Variants in TRA2B observed in about 807,000 individuals in gnomAD.
TRA2B encodes transformer 2 beta homolog.
TRA2B carries 14 observed loss-of-function variants against 41.7 expected under a neutral mutation model. That is an observed-to-expected ratio of 0.34 (90% CI 0.22 to 0.53). The LOEUF is 0.53. Among genes scored for constraint, TRA2B ranks in the 20% least tolerant of loss-of-function variants. TRA2B has a pLI of 0.95. For missense variants in TRA2B, 167 were observed against 396.8 expected (o/e 0.42, Z 4.92); for synonymous variants, 130 against 128.8 (o/e 1.01, Z -0.06).
At chr3:185,936,267 A>G in intron 1 of TRA2B, 4 of 985,446 alleles carry the variant, frequency 4.1e-6, no homozygotes, top group Non-Finnish European at 4.8e-6. Flanking sequence ...TGACTGTTAT[A>G]ACAGATTCAA....
In TRA2B at chr3:185,923,736, CT is replaced by C. The variant is rs1337640256; in HGVS notation, c.522+59del. On this transcript the variant is annotated intron_variant, in intron 4 of 8. Transcript: ENST00000453386. ...TTGTCCTTATCCTAGCAATTGGTCA[CT>C]GATAACTTGGCGTTAACAATAGAAC... 1.6e-5 allele frequency: 24 copies of C among 1,476,588 alleles called. 1 individual carries two copies. Among genetic ancestry groups the C allele is most frequent in the Non-Finnish European group, 1.9e-5 (21 of 1,100,920 alleles). 91.5% of individuals were successfully genotyped at this position (1,476,588 alleles called of 1,614,324 possible).
rs772290932 is a variant in TRA2B, at chr3:185,937,981, C to G, written c.-121G>C. 2 of 1,160,162 alleles carry G rather than the reference C, an allele frequency of 1.7e-6. No homozygotes were observed. The highest frequency in any genetic ancestry group is 1.5e-5 in the African/African-American group (1 of 65,700). The allele number at this position is 1,160,162 out of a possible 1,614,324, so 71.9% of individuals were successfully genotyped here. ...GCGCCGGTCGCCCAGCCGCTCAGAG[C>G]CGAAATGCTCCGCACCGCCTCCGCA... On this transcript the variant is annotated 5_prime_UTR_variant, in exon 1 of 9. Transcript: ENST00000453386.
chr3:185,926,686 A>C lies in TRA2B; in HGVS notation c.85T>G (p.Ser29Ala). The stretch of plus-strand genomic sequence containing the variant: ...GACCTTGCAGGGGTATGCCTTGCAG[A>C]TTTCCCCGATCCGTGAGCACTTCCA... ...RSGSAHGSGK[S>A]ARHTPARSRS... Residue 29 changes from serine to alanine, a missense_variant, in exon 2 of 9, where the codon TCT becomes GCT. This residue lies in a region of TRA2B where 94 missense variants were observed against 133.4 expected (regional missense o/e 0.70). Transcript: ENST00000453386. 1 of 1,614,112 alleles carries C rather than the reference A, an allele frequency of 6.2e-7. No individual in the cohort carries two copies. Among genetic ancestry groups the C allele is most frequent in the Non-Finnish European group, 8.5e-7 (1 of 1,180,014 alleles).
chr3:185,927,908 G>A (rs1022325835), intron 1 of TRA2B: 6 of 152,222 alleles, frequency 3.9e-5, no homozygotes, highest in African/African-American at 1.4e-4. Context: ...ATCAAACTTA[G>A]ACAAAGTAAA....
At chr3:185,937,734 G>T (rs1319293753) in intron 1 of TRA2B, 91 bp downstream of exon 1, 5 of 1,565,536 alleles carry the variant, frequency 3.2e-6, no homozygotes, top group South Asian at 2.2e-5. Context: ...AGCCTAAAAC[G>T]CCCCTGCCTC....
chr3:185,917,708 T>TC lies in TRA2B; in HGVS notation c.*6dup. On this transcript the variant is annotated 3_prime_UTR_variant, in exon 9 of 9. Coordinates refer to ENST00000453386, the MANE Select transcript of TRA2B (RefSeq NM_004593.3). ...CTCTAGGGCAGGTTTCAGAAAGTCT[T>TC]CATGCTTTAATAGCGACCTGGGAAG... The TC allele has an allele frequency of 6.2e-7, 1 of 1,613,394 alleles. No individual in the cohort carries two copies. Among genetic ancestry groups the TC allele is most frequent in the Non-Finnish European group, 8.5e-7 (1 of 1,179,578 alleles).
Position 185,935,068 on chromosome 3 carries a change from G to A in TRA2B, c.36+2757C>T, listed in dbSNP as rs1316948083. 7.1e-6 allele frequency: 7 copies of A among 985,210 alleles called. No individual in the cohort carries two copies. The Admixed American group carries it at 3.1e-4, about 43-fold the overall frequency. 61.0% of individuals were successfully genotyped at this position (985,210 alleles called of 1,614,324 possible). A position where few individuals can be genotyped will look rare whatever the true frequency, so the allele number is the denominator to read the frequency against. On this transcript the variant is annotated intron_variant, in intron 1 of 8. Transcript: ENST00000453386. ...CATACAAATCTCACACAACCTATAC[G>A]CTGTGACCATTATTGGGCTCTAAAG...
intron 1 of TRA2B, among the ~76,000 whole-genome samples, chr3:185,933,173 A>G (rs1744214154): frequency 6.6e-6 from 1 of 152,198 alleles, no homozygotes; most frequent in African/African-American, 2.4e-5. Flanking sequence ...TTCGATACAG[A>G]CAGGGCACTT....
intron 3 of TRA2B, 173 bp downstream of exon 3, chr3:185,925,291 G>GCAGACCCCGTCATGGAAGATTAA: frequency 1.5e-6 from 1 of 676,112 alleles, no homozygotes. Flanking sequence ...CAGCCCAAAT[G>GCAGACCCCGTCATGGAAGATTAA]CAGACCCCGT....
At chr3:185,929,085 C>A (rs1481963983) in intron 1 of TRA2B, 1 of 152,090 alleles carries the variant, frequency 6.6e-6, no homozygotes, top group Non-Finnish European at 1.5e-5. Flanking sequence ...ATTTCTTGGG[C>A]CAGGAATAAG....
chr3:185,924,835 A>G (rs994329572), intron 3 of TRA2B: 3 of 152,338 alleles, frequency 2.0e-5, no homozygotes, highest in Admixed American at 6.5e-5. Context: ...AAGAGGAAAG[A>G]ATAAAGAGTG....
In TRA2B at chr3:185,917,521, G is replaced by A; in HGVS notation, c.*194C>T. ...ATACTTTTCTGAAAACACTTAACTT[G>A]GAACAAAGCACCAAACTACACAAAT... is the stretch of plus-strand genomic sequence containing the variant. On this transcript the variant is annotated 3_prime_UTR_variant, in exon 9 of 9. Coordinates refer to ENST00000453386, the MANE Select transcript of TRA2B (RefSeq NM_004593.3). 1 of 528,820 alleles carries A rather than the reference G, an allele frequency of 1.9e-6. No homozygotes were observed. The highest frequency in any genetic ancestry group is 2.0e-5 in the African/African-American group (1 of 50,534). The allele number at this position is 528,820 out of a possible 1,614,324, so 32.8% of individuals were successfully genotyped here. A position where few individuals can be genotyped will look rare whatever the true frequency, so the allele number is the denominator to read the frequency against.
chr3:185,925,674 CTTCT>C (rs769233736), intron 2 of TRA2B, 48 bp from the exon 3 acceptor site: 65 of 1,559,164 alleles, frequency 4.2e-5, no homozygotes, highest in African/African-American at 8.2e-5. Flanking sequence ...CAAATATTGT[CTTCT>C]TTATTACTCT....
At chr3:185,931,444 A>C (rs1744152791) in intron 1 of TRA2B, 1 of 607,984 alleles carries the variant, frequency 1.6e-6, no homozygotes, top group Middle Eastern at 7.7e-4. Flanking sequence ...AGCAGTTAAA[A>C]TCAGAATTAC....
chr3:185,931,927 A>C (rs1466543361), intron 1 of TRA2B: 3 of 941,328 alleles, frequency 3.2e-6, no homozygotes, highest in Non-Finnish European at 4.2e-6. Context: ...CTGAAACTAG[A>C]AAAAAAAAAT....
At chr3:185,923,370 T>G (rs187595978) in intron 4 of TRA2B, 4 of 153,280 alleles carry the variant, frequency 2.6e-5, no homozygotes, top group African/African-American at 9.6e-5. Flanking sequence ...ATTTCTTAAA[T>G]GGGGTCTAGC....
intron 4 of TRA2B, chr3:185,923,580 A>G (rs1690014838): frequency 2.5e-6 from 1 of 402,286 alleles, no homozygotes; most frequent in Non-Finnish European, 4.4e-6. Context: ...AGTTGACCCC[A>G]ATAGGTGGCA....
intron 1 of TRA2B, among the ~76,000 whole-genome samples, chr3:185,930,930 T>C (rs560237707): frequency 1.3e-5 from 2 of 152,318 alleles, no homozygotes; most frequent in Non-Finnish European, 2.9e-5. Context: ...ATTTTATCAG[T>C]AATCCTAGTC....
At position 185,937,965 on chromosome 3, in the gene TRA2B, G is replaced by T. The variant is rs1220698622; in HGVS notation, c.-105C>A. 2.8e-6 allele frequency: 4 copies of T among 1,423,024 alleles called. No homozygotes were observed. The highest frequency in any genetic ancestry group is 2.9e-6 in the Non-Finnish European group (3 of 1,030,218). 88.1% of individuals were successfully genotyped at this position (1,423,024 alleles called of 1,614,324 possible). ...CGCAGCCCCGCACGACGCGCCGGTC[G>T]CCCAGCCGCTCAGAGCCGAAATGCT... is the stretch of plus-strand genomic sequence containing the variant. On this transcript the variant is annotated 5_prime_UTR_variant, in exon 1 of 9. Transcript: ENST00000453386.
Sources: gnomAD v4.1 joint callset for allele counts (sites outside exome capture counted in the v4.1 genomes callset) on GRCh38, gnomAD v4.1.1 for gene constraint, gnomAD v4.1.1 regional missense constraint, MANE v1.5 for transcripts, NCBI Gene and HGNC (gene_info 2026-07-23, HGNC 2026-07-21) for gene names.